The following FBXL8 variants were observed in gnomAD, a reference collection of about 807,000 sequenced individuals.
The protein encoded by FBXL8 is F-box/LRR-repeat protein 8.
A neutral mutation model predicts 8.2 loss-of-function variants in FBXL8; 13 were observed. The ratio of observed to expected loss-of-function variants is 1.58; its 90% CI spans 1.03 to 2.51. FBXL8 has a LOEUF of 2.51. Ranked by LOEUF, FBXL8 falls within the 30% of genes most tolerant of loss-of-function variation. The pLI is 0.00. For synonymous variants in FBXL8, 271 were observed against 260.5 expected (o/e 1.04, Z -0.39); for missense variants, 565 against 540.4 (o/e 1.05, Z -0.45).
chr16:67,164,058 T>C lies in FBXL8; in HGVS notation c.*238T>C. ...CGGTCCTGGACACACTGCCCCCCTC[T>C]CTTGCCTCCACCCCTCTGCGGACTC... is the stretch of plus-strand genomic sequence containing the variant. On this transcript the variant is annotated 3_prime_UTR_variant, in exon 3 of 3. Transcript: ENST00000258200. 3 of 709,438 alleles carry C rather than the reference T, an allele frequency of 4.2e-6. No homozygotes were observed. Among genetic ancestry groups the C allele is most frequent in the South Asian group, 1.5e-5 (1 of 66,882 alleles). 43.9% of individuals were successfully genotyped at this position (709,438 alleles called of 1,614,324 possible). A position where few individuals can be genotyped will look rare whatever the true frequency, so the allele number is the denominator to read the frequency against.
intron 2 of FBXL8, 50 bp downstream of exon 2, chr16:67,161,987 C>T (rs1236967581): frequency 2.0e-6 from 3 of 1,524,622 alleles, no homozygotes; most frequent in Non-Finnish European, 2.6e-6. Flanking sequence ...TCACCTTCTC[C>T]GTGGAGTCGT....
chr16:67,162,312 A>T (rs953173427), intron 2 of FBXL8: 1 of 453,484 alleles, frequency 2.2e-6, no homozygotes. Context: ...TTGGCGACAG[A>T]GTAACAGTTT....
chr16:67,163,975 G>A lies in FBXL8; in HGVS notation c.*155G>A. 1 of 1,182,822 alleles carries A rather than the reference G, an allele frequency of 8.5e-7. No individual in the cohort carries two copies. The highest frequency in any genetic ancestry group is 1.2e-6 in the Non-Finnish European group (1 of 826,652). 73.3% of individuals were successfully genotyped at this position (1,182,822 alleles called of 1,614,324 possible). A position where few individuals can be genotyped will look rare whatever the true frequency, so the allele number is the denominator to read the frequency against. On this transcript the variant is annotated 3_prime_UTR_variant, in exon 3 of 3. Transcript: ENST00000258200. ...GGGAACTGTGATGGCATCGGGACCA[G>A]TCCTGGGCGCCCTGAGACCACTCGC...
At position 67,163,985 on chromosome 16, in the gene FBXL8, C is replaced by A; in HGVS notation, c.*165C>A. 1 of 1,020,890 alleles carries A rather than the reference C, an allele frequency of 9.8e-7. No individual in the cohort carries two copies. The highest frequency in any genetic ancestry group is 1.5e-6 in the Non-Finnish European group (1 of 678,552). 63.2% of individuals were successfully genotyped at this position (1,020,890 alleles called of 1,614,324 possible). A position where few individuals can be genotyped will look rare whatever the true frequency, so the allele number is the denominator to read the frequency against. ...ATGGCATCGGGACCAGTCCTGGGCG[C>A]CCTGAGACCACTCGCTGCTCTCACC... On this transcript the variant is annotated 3_prime_UTR_variant, in exon 3 of 3. Transcript: ENST00000258200.
rs1205884871 is a variant in FBXL8, at chr16:67,163,475, C to T, written c.780C>T (p.Pro260=). The part of the protein sequence containing the change: ...PGLAVELELE[P]ALPAESVTRV... The stretch of plus-strand genomic sequence containing the variant: ...TGGCAGTGGAGCTGGAGCTGGAGCC[C>T]GCGCTGCCCGCTGAGAGCGTGACGC... Residue 260 remains proline, a synonymous_variant, in exon 3 of 3, where the codon CCC becomes CCT. Transcript: ENST00000258200. 1 of 1,536,076 alleles carries T rather than the reference C, an allele frequency of 6.5e-7. No homozygotes were observed. Among genetic ancestry groups the T allele is most frequent in the African/African-American group, 1.4e-5 (1 of 72,752 alleles).
At chr16:67,161,350 G>GGA (rs2030889906) in intron 1 of FBXL8, 1 of 162,868 alleles carries the variant, frequency 6.1e-6, no homozygotes, top group African/African-American at 2.4e-5. Flanking sequence ...GGCTGAGGTG[G>GGA]GAGGATTGCT....
At position 67,163,956 on chromosome 16, in the gene FBXL8, T is replaced by G. The variant is rs1393466470; in HGVS notation, c.*136T>G. 7.5e-7 allele frequency: 1 copy of G among 1,341,854 alleles called. No homozygotes were observed. The highest frequency in any genetic ancestry group is 2.5e-5 in the East Asian group (1 of 40,092). The allele number at this position is 1,341,854 out of a possible 1,614,324, so 83.1% of individuals were successfully genotyped here. A position where few individuals can be genotyped will look rare whatever the true frequency, so the allele number is the denominator to read the frequency against. On this transcript the variant is annotated 3_prime_UTR_variant, in exon 3 of 3. Coordinates refer to ENST00000258200, the MANE Select transcript of FBXL8 (RefSeq NM_018378.3). ...CCCGGGTCTTTACCGAGTTGGGAAC[T>G]GTGATGGCATCGGGACCAGTCCTGG... is the stretch of plus-strand genomic sequence containing the variant.
In FBXL8 at chr16:67,163,716, C is replaced by T. The variant is rs1291516998; in HGVS notation, c.1021C>T (p.His341Tyr). 1.1e-5 allele frequency: 17 copies of T among 1,596,096 alleles called. No homozygotes were observed. The highest frequency in any genetic ancestry group is 1.4e-5 in the Non-Finnish European group (16 of 1,178,430). ...REVHCFCVVS[H>Y]SVLDAFRAHC... ...GGTGCATTGTTTCTGCGTGGTGAGCCACTCGGTGCTGGACGCCTTCCGCGC... is the reference window on the plus strand; with the variant it reads ...GGTGCATTGTTTCTGCGTGGTGAGCTACTCGGTGCTGGACGCCTTCCGCGC... Residue 341 changes from histidine (H) to tyrosine (Y), a missense_variant, in exon 3 of 3, where the codon CAC (histidine) becomes TAC (tyrosine). Transcript: ENST00000258200.
rs1171847381 is a variant in FBXL8 at position 67,161,629 on chromosome 16, T to C, written c.-51-106T>C. On this transcript the variant is annotated intron_variant, in intron 1 of 2. Transcript: ENST00000258200. ...GGGTTATCTGATGCCCCACGCTGTCTGAGAGGCCCTCAGTTCCTCAGGCCA... is the reference window on the plus strand; with the variant it reads ...GGGTTATCTGATGCCCCACGCTGTCCGAGAGGCCCTCAGTTCCTCAGGCCA... 1.2e-5 allele frequency: 10 copies of C among 854,024 alleles called. No homozygotes were observed. The Admixed American group carries it at 2.8e-4, about 24-fold the overall frequency. The allele number at this position is 854,024 out of a possible 1,614,324, so 52.9% of individuals were successfully genotyped here.
chr16:67,163,466 G>GCTGGAA lies in FBXL8; in HGVS notation c.776_777insACTGGA (p.Leu258_Glu259dup), dbSNP rs1328781288. On this transcript the variant is annotated inframe_insertion, in exon 3 of 3. Transcript: ENST00000258200. ...ACCCTGGGCTGGCAGTGGAGCTGGAGCTGGAGCCCGCGCTGCCCGCTGAGA... is the reference window on the plus strand; with the variant it reads ...ACCCTGGGCTGGCAGTGGAGCTGGAGCTGGAACTGGAGCCCGCGCTGCCCGCTGAGA... The GCTGGAA allele has an allele frequency of 6.5e-7, 1 of 1,535,906 alleles. No homozygotes were observed. Among genetic ancestry groups the GCTGGAA allele is most frequent in the African/African-American group, 1.4e-5 (1 of 72,784 alleles).
At chr16:67,162,510 G>T in intron 2 of FBXL8, 1 of 686,526 alleles carries the variant, frequency 1.5e-6, no homozygotes, top group South Asian at 1.5e-5. Context: ...CACTTCCCAC[G>T]GGTCACTCAG....
At position 67,163,280 on chromosome 16, in the gene FBXL8, T is replaced by A; in HGVS notation, c.585T>A (p.Ala195=). ...TGGAGGCCTGCCCGCGCCTGCGCGC[T>A]CTCGGCCTGCACCTAGCCAGTTTGT... ...ELLEACPRLR[A]LGLHLASLSH... is the part of the protein sequence containing the mutation. Residue 195 remains alanine (A), a synonymous_variant, in exon 3 of 3, where the codon GCT becomes GCA. Coordinates refer to ENST00000258200, the MANE Select transcript of FBXL8 (RefSeq NM_018378.3). 6.4e-7 allele frequency: 1 copy of A among 1,572,156 alleles called. No homozygotes were observed. Among genetic ancestry groups the A allele is most frequent in the Non-Finnish European group, 8.6e-7 (1 of 1,160,718 alleles).
chr16:67,162,722 C>G, intron 2 of FBXL8, 126 bp from the exon 3 acceptor site: 1 of 1,334,312 alleles, frequency 7.5e-7, no homozygotes, highest in Non-Finnish European at 1.1e-6. Flanking sequence ...GTGGTCTGAA[C>G]AGAGACGTGG....
chr16:67,161,962 C>A, intron 2 of FBXL8, 25 bp downstream of exon 2: 1 of 1,575,044 alleles, frequency 6.3e-7, no homozygotes. Context: ...CCACACTCCT[C>A]TCCCCACCGC....
Position 67,163,412 on chromosome 16 carries a change from C to T in FBXL8, c.717C>T (p.Asn239=), listed in dbSNP as rs748749424. 2.0e-6 allele frequency: 3 copies of T among 1,537,436 alleles called. No homozygotes were observed. In the Admixed American group the frequency reaches 5.8e-5, roughly 30 times the overall value. ...ATGCACGCGCGTCCCCGCTGCCCAA[C>T]GAAGCCTGGGTCGCGTTGCGCCGCC... ...PEDARASPLP[N]EAWVALRRRH... Residue 239 remains asparagine, a synonymous_variant, in exon 3 of 3, where the codon AAC becomes AAT. Transcript: ENST00000258200.
rs540260013 is a variant in FBXL8 at position 67,162,709 on chromosome 16, G to A, written c.153-139G>A. 8.7e-5 allele frequency: 104 copies of A among 1,195,258 alleles called. No individual in the cohort carries two copies. In the South Asian group the frequency reaches 1.3e-3, roughly 15 times the overall value. The allele number at this position is 1,195,258 out of a possible 1,614,324, so 74.0% of individuals were successfully genotyped here. A position where few individuals can be genotyped will look rare whatever the true frequency, so the allele number is the denominator to read the frequency against. ...GCGAGTTCCCTCCTTTGGGGCAACA[G>A]TCGTGGTCTGAACAGAGACGTGGGG... On this transcript the variant is annotated intron_variant, in intron 2 of 2. Coordinates refer to ENST00000258200, the MANE Select transcript of FBXL8 (RefSeq NM_018378.3).
chr16:67,163,085 A>G lies in FBXL8; in HGVS notation c.390A>G (p.Val130=), dbSNP rs2030979686. ...ACGTCCTGGAGGCTGTGCACGCTGT[A>G]TGCGGGGCGGCCAGCCAGCTACGCC... ...GRDVLEAVHA[V]CGAASQLRHL... Residue 130 remains valine, a synonymous_variant, in exon 3 of 3, where the codon GTA becomes GTG. Transcript: ENST00000258200. 1.9e-6 allele frequency: 3 copies of G among 1,581,374 alleles called. No individual in the cohort carries two copies. Among genetic ancestry groups the G allele is most frequent in the African/African-American group, 2.7e-5 (2 of 74,252 alleles).
chr16:67,161,940 G>A lies in FBXL8; in HGVS notation c.152+3G>A, dbSNP rs1157384750. ...GTGTGGCACGACACAAAAATCAGGT[G>A]AGCCTGCTCCTCCACACTCCTCTCC... On this transcript the variant is annotated splice_donor_region_variant and intron_variant, in intron 2 of 2. Coordinates refer to ENST00000258200, the MANE Select transcript of FBXL8 (RefSeq NM_018378.3). 2 of 1,602,370 alleles carry A rather than the reference G, an allele frequency of 1.2e-6. No individual in the cohort carries two copies. The highest frequency in any genetic ancestry group is 2.2e-5 in the South Asian group (2 of 90,060).
rs542997883 is a variant in FBXL8, at chr16:67,164,055, C to G, written c.*235C>G. ...GCTCGGTCCTGGACACACTGCCCCCCTCTCTTGCCTCCACCCCTCTGCGGA... is the reference window on the plus strand; with the variant it reads ...GCTCGGTCCTGGACACACTGCCCCCGTCTCTTGCCTCCACCCCTCTGCGGA... On this transcript the variant is annotated 3_prime_UTR_variant, in exon 3 of 3. Transcript: ENST00000258200. The G allele has an allele frequency of 4.2e-6, 3 of 710,364 alleles. No homozygotes were observed. The highest frequency in any genetic ancestry group is 2.7e-5 in the East Asian group (1 of 37,004). 44.0% of individuals were successfully genotyped at this position (710,364 alleles called of 1,614,324 possible).
Sources: gnomAD v4.1 joint callset for allele counts on GRCh38, gnomAD v4.1.1 for gene constraint, MANE v1.5 for transcripts, NCBI Gene and HGNC (gene_info 2026-07-23, HGNC 2026-07-21) for gene names.